PRPS1: variants seen among roughly 807,000 people sequenced by gnomAD.
The protein encoded by PRPS1 is ribose-phosphate pyrophosphokinase 1.
PRPS1 carries 1 observed loss-of-function variant against 16.9 expected under a neutral mutation model. That is an observed-to-expected ratio of 0.06 (90% CI 0.02 to 0.28). PRPS1 has a LOEUF of 0.28. Ranked by LOEUF, PRPS1 falls within the 10% of genes least tolerant of loss-of-function variation. PRPS1 has a pLI of 1.00. For synonymous variants in PRPS1, 70 were observed against 90.2 expected (o/e 0.78, Z 1.27); for missense variants, 47 against 254.0 (o/e 0.19, Z 5.54).
intron 6 of PRPS1, 87 bp downstream of exon 6, chrX:107,647,852 GAT>G: frequency 7.8e-6 from 8 of 1,019,893 alleles, no homozygotes; most frequent in Non-Finnish European, 1.1e-5. Context: ...GGATTCTGAA[GAT>G]ATCTTTCTTT....
At chrX:107,644,976 A>G (rs1925657705) in intron 4 of PRPS1, among the ~76,000 whole-genome samples, 1 of 110,580 alleles carries the variant, frequency 9.0e-6, no homozygotes, top group Non-Finnish European at 1.9e-5. Flanking sequence ...CACCATGCCC[A>G]GCTAATTTTT....
At position 107,642,349 on chromosome X, in the gene PRPS1, C is replaced by A. The variant is rs1182689736; in HGVS notation, c.406-17C>A. 1 of 1,211,366 alleles carries A rather than the reference C, an allele frequency of 8.3e-7. No individual in the cohort carries two copies. The highest frequency in any genetic ancestry group is 3.0e-5 in the East Asian group (1 of 33,841). ...AGAAGGAAAGTGAAGCAAAACTGATCCAGCTTCTTTCTACAGGGCTTTTTT... is the reference window on the plus strand; with the variant it reads ...AGAAGGAAAGTGAAGCAAAACTGATACAGCTTCTTTCTACAGGGCTTTTTT... On this transcript the variant is annotated splice_polypyrimidine_tract_variant and intron_variant, in intron 3 of 6. Coordinates refer to ENST00000372435, the MANE Select transcript of PRPS1 (RefSeq NM_002764.4).
rs752673062 is a variant in PRPS1, at chrX:107,650,114, A to G, written c.*82A>G. On this transcript the variant is annotated 3_prime_UTR_variant, in exon 7 of 7. Transcript: ENST00000372435. ...TGGTATTTGATGACAAATTCAGCAG[A>G]AGACCCGGCTTGCTCCAGTGTAGCT... 41 of 1,200,963 alleles carry G rather than the reference A, an allele frequency of 3.4e-5. No homozygotes were observed. The highest frequency in any genetic ancestry group is 4.5e-5 in the Non-Finnish European group (40 of 890,512).
rs1158816793 is a variant in PRPS1 at position 107,641,013 on chromosome X, G to A, written c.405+13G>A. On this transcript the variant is annotated intron_variant, in intron 3 of 6. Coordinates refer to ENST00000372435, the MANE Select transcript of PRPS1 (RefSeq NM_002764.4). ...TTCTCAAATTCAGGTATCAGTGGAA[G>A]CTAAATATTGGTGTTTGAAAGGTGG... The A allele has an allele frequency of 1.7e-6, 2 of 1,210,284 alleles. No homozygotes were observed. The highest frequency in any genetic ancestry group is 1.1e-6 in the Non-Finnish European group (1 of 895,408).
rs1455870490 is a variant in PRPS1, at chrX:107,639,489, A to G, written c.306+11A>G. The G allele has an allele frequency of 8.3e-7, 1 of 1,210,032 alleles. No homozygotes were observed. ...GATAAGAAAGATAAGGTAGGAGCAG[A>G]ATTTTATTTTTTGAGCAGAGGAAGC... On this transcript the variant is annotated intron_variant, in intron 2 of 6. Transcript: ENST00000372435.
At chrX:107,636,930 G>A (rs1430044629) in intron 1 of PRPS1, among the ~76,000 whole-genome samples, 1 of 111,456 alleles carries the variant, frequency 9.0e-6, no homozygotes, top group African/African-American at 3.3e-5. Context: ...ATAGAAGTAT[G>A]GATCTTTTAT....
intron 1 of PRPS1, among the ~76,000 whole-genome samples, chrX:107,637,808 T>C (rs1025557628): frequency 2.7e-5 from 3 of 110,085 alleles, no homozygotes; most frequent in African/African-American, 9.9e-5. Context: ...ATTCACAGCA[T>C]ACTAGTAGGG....
At chrX:107,639,027 G>A (rs944716948) in intron 1 of PRPS1, among the ~76,000 whole-genome samples, 4 of 112,356 alleles carry the variant, frequency 3.6e-5, no homozygotes, top group Non-Finnish European at 7.5e-5. Context: ...GAGCCACTGC[G>A]CCCAGCCCTG....
At position 107,650,232 on chromosome X, in the gene PRPS1, C is replaced by A. The variant is rs1925799432; in HGVS notation, c.*200C>A. The A allele has an allele frequency of 1.4e-6, 1 of 716,081 alleles. No homozygotes were observed. The highest frequency in any genetic ancestry group is 2.0e-6 in the Non-Finnish European group (1 of 501,491). 59.0% of individuals were successfully genotyped at this position (716,081 alleles called of 1,213,427 possible). ...CTGGGACCTCCTACCTGCATTATCTCATTCTGGCTTCCTTGATAATTCTGT... is the reference window on the plus strand; with the variant it reads ...CTGGGACCTCCTACCTGCATTATCTAATTCTGGCTTCCTTGATAATTCTGT... On this transcript the variant is annotated 3_prime_UTR_variant, in exon 7 of 7. Transcript: ENST00000372435.
intron 4 of PRPS1, among the ~76,000 whole-genome samples, chrX:107,644,682 A>G (rs1411782804): frequency 8.9e-6 from 1 of 112,193 alleles, no homozygotes; most frequent in Non-Finnish European, 1.9e-5. Flanking sequence ...ACTGGTTTAT[A>G]AAACCCAGTT....
At chrX:107,630,722 G>A (rs1230673794) in intron 1 of PRPS1, among the ~76,000 whole-genome samples, 1 of 103,061 alleles carries the variant, frequency 9.7e-6, no homozygotes, top group Non-Finnish European at 1.9e-5. Flanking sequence ...ATCCTTGGCT[G>A]TCTGGTTATT....
At chrX:107,649,015 T>C (rs931573868) in intron 6 of PRPS1, among the ~76,000 whole-genome samples, 1 of 111,740 alleles carries the variant, frequency 8.9e-6, no homozygotes, top group African/African-American at 3.3e-5. Context: ...CACCTCGGCC[T>C]CCCAAACTGC....
At chrX:107,638,073 G>A (rs1373081326) in intron 1 of PRPS1, among the ~76,000 whole-genome samples, 2 of 109,049 alleles carry the variant, frequency 1.8e-5, no homozygotes, top group African/African-American at 6.6e-5. Context: ...TGAGTAGCTG[G>A]GACTACAGGT....
intron 1 of PRPS1, among the ~76,000 whole-genome samples, chrX:107,636,074 A>C (rs201751847): frequency 9.2e-6 from 1 of 108,394 alleles, no homozygotes; most frequent in East Asian, 2.9e-4. Context: ...AAAAAAAAAA[A>C]AAACTGAAAA....
chrX:107,642,419 G>A lies in PRPS1; in HGVS notation c.459G>A (p.Lys153=), dbSNP rs1396476426. ...DNLYAEPAVL[K]WIRENISEWR... ...TGTATGCAGAGCCGGCTGTCCTAAA[G>A]TGGATAAGGGAGAATATCTCTGAGT... Residue 153 remains lysine, a synonymous_variant, in exon 4 of 7, where the codon AAG becomes AAA. Coordinates refer to ENST00000372435, the MANE Select transcript of PRPS1 (RefSeq NM_002764.4). 1.7e-6 allele frequency: 2 copies of A among 1,211,665 alleles called. No homozygotes were observed.
chrX:107,637,216 A>G (rs1330101350), intron 1 of PRPS1, among the ~76,000 whole-genome samples: 1 of 111,451 alleles, frequency 9.0e-6, no homozygotes, highest in Non-Finnish European at 1.9e-5. Context: ...TCGTGGTAAA[A>G]TATAGCCCTA....
At chrX:107,634,044 C>T (rs1430616865) in intron 1 of PRPS1, among the ~76,000 whole-genome samples, 1 of 111,949 alleles carries the variant, frequency 8.9e-6, no homozygotes, top group African/African-American at 3.2e-5. Context: ...AATAGTATCT[C>T]ACCTGCTTTC....
At chrX:107,634,922 C>T (rs1925398312) in intron 1 of PRPS1, among the ~76,000 whole-genome samples, 1 of 107,903 alleles carries the variant, frequency 9.3e-6, no homozygotes, top group Non-Finnish European at 1.9e-5. Context: ...TCACTGCAAG[C>T]TCTGCCTCCC....
In PRPS1 at chrX:107,649,821, G is replaced by A. The variant is rs142438413; in HGVS notation, c.865-119G>A. 1.9e-4 allele frequency: 215 copies of A among 1,139,068 alleles called. No individual in the cohort carries two copies. In the East Asian group the frequency reaches 5.9e-3, roughly 31 times the overall value. 93.9% of individuals were successfully genotyped at this position (1,139,068 alleles called of 1,213,427 possible). On this transcript the variant is annotated intron_variant, in intron 6 of 6. Coordinates refer to ENST00000372435, the MANE Select transcript of PRPS1 (RefSeq NM_002764.4). ...AGTGCAGCCTCATGACAGGGAAACA[G>A]CACAGTGTTGCAGTTTTAAGAGGAA... is the stretch of plus-strand genomic sequence containing the variant.
Sources: gnomAD v4.1 joint callset for allele counts (sites outside exome capture counted in the v4.1 genomes callset) on GRCh38, gnomAD v4.1.1 for gene constraint, MANE v1.5 for transcripts, NCBI Gene and HGNC (gene_info 2026-07-23, HGNC 2026-07-21) for gene names.